The following ZFYVE9 variants were observed in gnomAD, a reference collection of about 807,000 sequenced individuals.
ZFYVE9 encodes zinc finger FYVE-type containing 9.
ZFYVE9 carries 43 observed loss-of-function variants against 126.7 expected under a neutral mutation model. The ratio of observed to expected loss-of-function variants is 0.34; its 90% CI spans 0.27 to 0.44. The LOEUF (loss-of-function observed/expected upper bound fraction) is 0.44. Ranked by LOEUF, ZFYVE9 falls within the 20% of genes least tolerant of loss-of-function variation. The pLI, the probability that ZFYVE9 is intolerant of heterozygous loss-of-function variation, is 1.00. For synonymous variants in ZFYVE9, 521 were observed against 597.4 expected (o/e 0.87, Z 1.87); for missense variants, 1,476 against 1,697.0 (o/e 0.87, Z 2.29).
At chr1:52,277,797 T>C (rs921144005) in intron 8 of ZFYVE9, among the ~76,000 whole-genome samples, 25 of 152,214 alleles carry the variant, frequency 1.6e-4, no homozygotes, top group African/African-American at 5.8e-4. Flanking sequence ...CAAAATGAGA[T>C]GCTGAAGCAC....
intron 1 of ZFYVE9, among the ~76,000 whole-genome samples, chr1:52,214,973 G>A (rs2124592670): frequency 6.6e-6 from 1 of 152,266 alleles, no homozygotes; most frequent in Middle Eastern, 3.4e-3. Context: ...TGATTCAAAT[G>A]AGATTAGCTC....
At chr1:52,149,859 A>G (rs1644337769) in intron 1 of ZFYVE9, among the ~76,000 whole-genome samples, 1 of 152,202 alleles carries the variant, frequency 6.6e-6, no homozygotes, top group African/African-American at 2.4e-5. Context: ...CCTTTGGATG[A>G]TATAGTTTCC....
chr1:52,174,969 C>G (rs1016469886), intron 1 of ZFYVE9, among the ~76,000 whole-genome samples: 1 of 152,144 alleles, frequency 6.6e-6, no homozygotes, highest in South Asian at 2.1e-4. Context: ...ATTTGCCAGT[C>G]TGTGTCTTTT....
chr1:52,336,411 C>CTGG (rs1005658724), intron 15 of ZFYVE9, among the ~76,000 whole-genome samples: 1 of 126,456 alleles, frequency 7.9e-6, no homozygotes, highest in African/African-American at 3.0e-5. Flanking sequence ...GTAGCCCAGG[C>CTGG]TGGAGTACAG....
chr1:52,149,391 G>A (rs1045737819), intron 1 of ZFYVE9, among the ~76,000 whole-genome samples: 2 of 151,848 alleles, frequency 1.3e-5, no homozygotes, highest in African/African-American at 4.8e-5. Flanking sequence ...ACCGCGCCTG[G>A]GCAATATGAA....
chr1:52,328,931 A>G (rs1557522381), intron 13 of ZFYVE9, among the ~76,000 whole-genome samples: 1 of 152,206 alleles, frequency 6.6e-6, no homozygotes, highest in African/African-American at 2.4e-5. Context: ...AAGAGTTATA[A>G]TAAAGTAAAG....
intron 12 of ZFYVE9, among the ~76,000 whole-genome samples, chr1:52,299,851 G>A (rs1222930545): frequency 1.3e-5 from 2 of 152,246 alleles, no homozygotes; most frequent in African/African-American, 4.8e-5. Flanking sequence ...ACCATGCTAT[G>A]ACTGGGAATG....
chr1:52,270,420 T>A (rs868457985), intron 7 of ZFYVE9, among the ~76,000 whole-genome samples: 1 of 152,016 alleles, frequency 6.6e-6, no homozygotes. Flanking sequence ...CCCGCCACCA[T>A]GCCCAGCTAA....
Position 52,237,909 on chromosome 1 carries a change from C to T in ZFYVE9, c.492C>T (p.Asn164=), listed in dbSNP as rs777599141. 5.8e-5 allele frequency: 93 copies of T among 1,613,802 alleles called. 1 individual carries two copies. Among genetic ancestry groups the T allele is most frequent in the East Asian group, 3.6e-4 (16 of 44,882 alleles). Residue 164 remains asparagine (N), a synonymous_variant, in exon 4 of 19, where the codon AAC becomes AAT. Transcript: ENST00000287727. The stretch of plus-strand genomic sequence containing the variant: ...ACTGTGATAAAAGGACATTACAAAA[C>T]GATTTACAGGATTGTAATAATTATA... ...MHNCDKRTLQ[N]DLQDCNNYNS...
intron 4 of ZFYVE9, among the ~76,000 whole-genome samples, chr1:52,243,383 G>A (rs1449779440): frequency 2.0e-5 from 3 of 152,176 alleles, no homozygotes; most frequent in Non-Finnish European, 4.4e-5. Flanking sequence ...CATAGTTCAA[G>A]GTTGACACAT....
intron 13 of ZFYVE9, among the ~76,000 whole-genome samples, chr1:52,313,410 G>C (rs1241626707): frequency 6.6e-6 from 1 of 152,208 alleles, no homozygotes; most frequent in African/African-American, 2.4e-5. Context: ...TCCCTGACTT[G>C]AGGAGACAGA....
At chr1:52,306,281 C>T (rs768457849) in intron 13 of ZFYVE9, among the ~76,000 whole-genome samples, 2 of 152,150 alleles carry the variant, frequency 1.3e-5, no homozygotes, top group Admixed American at 1.3e-4. Flanking sequence ...CAGAGAGGAG[C>T]TGCCCACTCC....
At chr1:52,188,278 G>A (rs548340498) in intron 1 of ZFYVE9, among the ~76,000 whole-genome samples, 6 of 152,200 alleles carry the variant, frequency 3.9e-5, no homozygotes, top group Non-Finnish European at 8.8e-5. Flanking sequence ...TAAATGATGA[G>A]AACACACAGA....
At chr1:52,180,214 G>A in intron 1 of ZFYVE9, 1 of 1,597,004 alleles carries the variant, frequency 6.3e-7, no homozygotes, top group African/African-American at 1.3e-5. Flanking sequence ...ATTCCCCTCT[G>A]TGCCCTGATA....
At chr1:52,200,230 G>A (rs1240859029) in intron 1 of ZFYVE9, among the ~76,000 whole-genome samples, 1 of 151,924 alleles carries the variant, frequency 6.6e-6, no homozygotes, top group African/African-American at 2.4e-5. Context: ...CCAGGCTGGA[G>A]TGCAGTGGTG....
chr1:52,337,722 C>G, intron 15 of ZFYVE9, 50 bp from the exon 16 acceptor site: 1 of 1,590,290 alleles, frequency 6.3e-7, no homozygotes, highest in Non-Finnish European at 8.6e-7. Context: ...TGCTAGATGC[C>G]AGGTGCTGTG....
At chr1:52,155,943 T>C (rs955269785) in intron 1 of ZFYVE9, among the ~76,000 whole-genome samples, 1 of 152,194 alleles carries the variant, frequency 6.6e-6, no homozygotes, top group Non-Finnish European at 1.5e-5. Context: ...TGAATATTGG[T>C]AGGGTTTTTC....
intron 12 of ZFYVE9, among the ~76,000 whole-genome samples, chr1:52,297,753 C>T (rs951094298): frequency 3.4e-5 from 5 of 145,392 alleles, no homozygotes; most frequent in Non-Finnish European, 7.5e-5. Context: ...GACAGAGTCT[C>T]GCACTGTCGC....
chr1:52,162,331 A>G, intron 1 of ZFYVE9: 1 of 394,344 alleles, frequency 2.5e-6, no homozygotes. Flanking sequence ...AAGAATCTCG[A>G]CGTCTGTGAC....
Sources: allele counts gnomAD v4.1 joint callset (sites outside exome capture counted in the v4.1 genomes callset), GRCh38; gene constraint gnomAD v4.1.1; transcripts MANE v1.5; gene names NCBI Gene and HGNC (gene_info 2026-07-23, HGNC 2026-07-21).